COL4A2: variants seen among roughly 807,000 people sequenced by gnomAD.
COL4A2 encodes the protein collagen alpha-2(IV) chain.
In COL4A2, 99 loss-of-function variants were observed where a neutral mutation model predicts 200.2. The ratio of observed to expected loss-of-function variants is 0.49; its 90% CI spans 0.42 to 0.58. The LOEUF (loss-of-function observed/expected upper bound fraction) is 0.58, where lower values mean the gene tolerates loss of function less well. COL4A2 is among the 20% of genes least tolerant of loss of function. The probability of loss-of-function intolerance (pLI) is 0.00; values close to 1 mark genes in which losing one functional copy is unlikely to be tolerated. For synonymous variants in COL4A2, 897 were observed against 900.6 expected (o/e 1.00, Z 0.07); for missense variants, 1,950 against 2,314.1 (o/e 0.84, Z 3.23).
chr13:110,307,627 T>G lies in COL4A2; in HGVS notation c.-45+99T>G. On this transcript the variant is annotated intron_variant, in intron 1 of 47. Transcript: ENST00000360467. The surrounding 1 kb of genome is among the most constrained non-coding windows in gnomAD (Gnocchi z 5.0). ...GGCTGCACGCTCTCCTGCTTGGGAG[T>G]AGAAAGGGGGAGGGTGGGAGAGCGA... 1.9e-6 allele frequency: 1 copy of G among 535,720 alleles called. No individual in the cohort carries two copies. The highest frequency in any genetic ancestry group is 3.5e-5 in the Admixed American group (1 of 28,366). 33.2% of individuals were successfully genotyped at this position (535,720 alleles called of 1,614,324 possible).
chr13:110,355,143 A>G (rs1453730669), intron 3 of COL4A2, among the ~76,000 whole-genome samples: 3 of 152,246 alleles, frequency 2.0e-5, no homozygotes, highest in African/African-American at 7.2e-5. Flanking sequence ...TAAGGTTTCA[A>G]TCAGTGAACA....
At chr13:110,499,290 G>A (rs1373884647) in intron 40 of COL4A2, among the ~76,000 whole-genome samples, 1 of 152,218 alleles carries the variant, frequency 6.6e-6, no homozygotes, top group East Asian at 1.9e-4. Context: ...GCATGGCTGG[G>A]GAGGCCTCAG....
At chr13:110,446,925 A>G in intron 18 of COL4A2, 61 bp downstream of exon 18, 1 of 1,397,358 alleles carries the variant, frequency 7.2e-7, no homozygotes. Flanking sequence ...CCTGTTAGGG[A>G]CACAGAGCTA....
At chr13:110,428,352 C>T in intron 6 of COL4A2, 115 bp from the exon 7 acceptor site, 1 of 672,816 alleles carries the variant, frequency 1.5e-6, no homozygotes, top group Non-Finnish European at 2.6e-6. Flanking sequence ...GTGTCTTTTC[C>T]TTGGATTCAT....
At chr13:110,379,809 G>A (rs1029376779) in intron 4 of COL4A2, among the ~76,000 whole-genome samples, 3 of 152,182 alleles carry the variant, frequency 2.0e-5, no homozygotes, top group South Asian at 2.1e-4. Context: ...TGAGAGCCAC[G>A]TTAGGATGGT....
intron 4 of COL4A2, among the ~76,000 whole-genome samples, chr13:110,402,479 G>T (rs9521743): frequency 0.59 from 88,719 of 151,488 alleles, 26,527 homozygotes; most frequent in Non-Finnish European, 0.66. Context: ...TTGGTTCCTT[G>T]AGTCTCGGGG....
rs112741576 is a variant in COL4A2, at chr13:110,317,862, A to G, written c.99+9739A>G. On this transcript the variant is annotated intron_variant, in intron 3 of 47. Coordinates refer to ENST00000360467, the MANE Select transcript of COL4A2 (RefSeq NM_001846.4). ...GACTTACTGAAACGCTATGGGCAAA[A>G]GAGACCTTCCCAAAATTATCTTAGA... Among the ~76,000 whole-genome samples, 614 of 152,366 alleles carry G rather than the reference A, an allele frequency of 4.0e-3. 3 individuals are homozygous for G. Among genetic ancestry groups the G allele is most frequent in the African/African-American group, 0.014 (588 of 41,574 alleles).
rs918015888 is a variant in COL4A2, at chr13:110,478,132, C to T, written c.2555C>T (p.Pro852Leu). The T allele has an allele frequency of 4.5e-5, 72 of 1,597,150 alleles. No homozygotes were observed. The highest frequency in any genetic ancestry group is 5.6e-5 in the Non-Finnish European group (66 of 1,170,542). Residue 852 changes from proline to leucine, a missense_variant, in exon 30 of 48, where the codon CCC becomes CTC. Physicochemically the swap from Pro to Leu is moderately conservative, Grantham distance 98. Around this residue, in one of 2 missense-constraint regions of COL4A2, gnomAD observed 1,385 missense variants for 1,720.5 expected, o/e 0.80. Coordinates refer to ENST00000360467, the MANE Select transcript of COL4A2 (RefSeq NM_001846.4). ...CCAGGAGCTCCTGGCCAAGAGGGGC[C>T]CTTGGGGCTGCCAGGAATCCCAGGC... Reference protein sequence around the residue: ...GFPGAPGQEGPLGLPGIPGRE... With the variant: ...GFPGAPGQEGLLGLPGIPGRE...
intron 29 of COL4A2, among the ~76,000 whole-genome samples, chr13:110,474,330 TC>T (rs1398597191): frequency 6.6e-6 from 1 of 152,160 alleles, no homozygotes; most frequent in Non-Finnish European, 1.5e-5. Context: ...AGGCTAGGCC[TC>T]CACTGGCAGG....
chr13:110,359,753 C>A (rs574612845), intron 4 of COL4A2, among the ~76,000 whole-genome samples: 1 of 152,308 alleles, frequency 6.6e-6, no homozygotes, highest in Non-Finnish European at 1.5e-5. Context: ...TGATAGGGAA[C>A]CTCTTTATAA....
At chr13:110,340,267 C>A (rs1027602477) in intron 3 of COL4A2, among the ~76,000 whole-genome samples, 5 of 152,164 alleles carry the variant, frequency 3.3e-5, no homozygotes, top group African/African-American at 1.2e-4. Context: ...TAGGTGCACG[C>A]CACCACACCC....
At chr13:110,399,539 C>G (rs1041271759) in intron 4 of COL4A2, among the ~76,000 whole-genome samples, 2 of 152,172 alleles carry the variant, frequency 1.3e-5, no homozygotes, top group Non-Finnish European at 2.9e-5. Context: ...TTCTTTCCCA[C>G]AGAGGACAAA....
intron 47 of COL4A2, among the ~76,000 whole-genome samples, chr13:110,509,270 T>TATATATATATAC (rs1435137108): frequency 7.2e-4 from 83 of 115,576 alleles, no homozygotes; most frequent in East Asian, 3.4e-3. Flanking sequence ...TATATATATA[T>TATATATATATAC]ACACACACAC....
chr13:110,316,992 TG>T (rs1345858701), intron 3 of COL4A2, among the ~76,000 whole-genome samples: 63 of 152,114 alleles, frequency 4.1e-4, no homozygotes, highest in African/African-American at 1.5e-3. Context: ...CACATACATA[TG>T]CACCCTGTAC....
intron 28 of COL4A2, 122 bp downstream of exon 28, chr13:110,469,446 A>G (rs897706284): frequency 3.0e-5 from 31 of 1,038,274 alleles, no homozygotes; most frequent in Non-Finnish European, 4.1e-5. Context: ...ATACTTGACA[A>G]CTTTTGCATT....
At chr13:110,478,832 G>A (rs1029419914) in intron 30 of COL4A2, among the ~76,000 whole-genome samples, 2 of 152,238 alleles carry the variant, frequency 1.3e-5, no homozygotes, top group Non-Finnish European at 2.9e-5. Context: ...AAAGGACACC[G>A]TAACTGTAAA....
chr13:110,437,920 T>C, intron 13 of COL4A2, 82 bp from the exon 14 acceptor site: 4 of 1,093,444 alleles, frequency 3.7e-6, no homozygotes, highest in Non-Finnish European at 5.7e-6. Context: ...TACTTTCAGC[T>C]CATGTCATGA....
chr13:110,333,232 G>A (rs568820365), intron 3 of COL4A2, among the ~76,000 whole-genome samples: 27 of 152,216 alleles, frequency 1.8e-4, no homozygotes, highest in Non-Finnish European at 3.8e-4. Flanking sequence ...GCCTCGAGGT[G>A]TACCTCTCAT....
At chr13:110,418,814 A>G (rs901512931) in intron 4 of COL4A2, among the ~76,000 whole-genome samples, 22 of 152,338 alleles carry the variant, frequency 1.4e-4, no homozygotes, top group Non-Finnish European at 1.5e-5. Flanking sequence ...AATATACTGT[A>G]CAAATACTAG....
Sources: gnomAD v4.1 joint callset for allele counts (sites outside exome capture counted in the v4.1 genomes callset) on GRCh38, gnomAD v4.1.1 for gene constraint, gnomAD v4.1.1 regional missense constraint, Gnocchi (gnomAD v3.1) non-coding constraint, MANE v1.5 for transcripts, NCBI Gene and HGNC (gene_info 2026-07-23, HGNC 2026-07-21) for gene names.